Variants in TPGS1 observed in about 807,000 individuals in gnomAD.
TPGS1 encodes the protein gene trap ROSA b-geo 22.
In TPGS1, 18 loss-of-function variants were observed where a neutral mutation model predicts 11.9. The observed-to-expected ratio is 1.51, with a 90% CI of 1.04 to 2.24. The LOEUF is 2.24. Ranked by LOEUF, TPGS1 falls within the 30% of genes most tolerant of loss-of-function variation. The probability of loss-of-function intolerance (pLI) is 0.00; values close to 1 mark genes in which losing one functional copy is unlikely to be tolerated. For synonymous variants in TPGS1, 247 were observed against 218.2 expected, an observed-to-expected ratio of 1.13 and a Z score of -1.16; for missense variants, 500 against 443.0, an observed-to-expected ratio of 1.13 and a Z score of -1.16.
In TPGS1 at chr19:519,574, G is replaced by A; in HGVS notation, c.*151G>A. ...GGGGCTCCCAGGAAGCGGACGCCCG[G>A]TCCCCACACAGCGCCGCGGCCGCCC... On this transcript the variant is annotated 3_prime_UTR_variant, in exon 2 of 2. Transcript: ENST00000359315. 1.5e-6 allele frequency: 1 copy of A among 683,488 alleles called. No individual in the cohort carries two copies. The highest frequency in any genetic ancestry group is 2.0e-6 in the Non-Finnish European group (1 of 507,552). The allele number at this position is 683,488 out of a possible 1,614,324, so 42.3% of individuals were successfully genotyped here.
At chr19:514,132 GC>G in intron 1 of TPGS1, among the ~76,000 whole-genome samples, 1 of 143,228 alleles carries the variant, frequency 7.0e-6, no homozygotes, top group South Asian at 2.3e-4. Flanking sequence ...CTGTACACCA[GC>G]CCTGTATTAC....
rs1335853870 is a variant in TPGS1, at chr19:519,215, T to G, written c.665T>G (p.Leu222Arg). 7.0e-7 allele frequency: 1 copy of G among 1,419,170 alleles called. No individual in the cohort carries two copies. The highest frequency in any genetic ancestry group is 9.1e-7 in the Non-Finnish European group (1 of 1,094,186). The allele number at this position is 1,419,170 out of a possible 1,614,324, so 87.9% of individuals were successfully genotyped here. A position where few individuals can be genotyped will look rare whatever the true frequency, so the allele number is the denominator to read the frequency against. The change falls in exon 2 of 2, where the codon CTG (leucine) becomes CGG (arginine). Residue 222 changes from leucine (L) to arginine (R), a missense_variant. Leu to Arg is a moderately radical substitution (Grantham distance 102). Coordinates refer to ENST00000359315, the MANE Select transcript of TPGS1 (RefSeq NM_033513.3). ...VADRRVGQAV[L>R]DTLEGALQAS... is the part of the protein sequence containing the mutation. Reference sequence around the variant, plus strand: ...GACCGCCGCGTGGGCCAGGCCGTGCTGGACACCCTGGAGGGCGCGCTGCAG... The same window carrying G: ...GACCGCCGCGTGGGCCAGGCCGTGCGGGACACCCTGGAGGGCGCGCTGCAG...
Position 519,386 on chromosome 19 carries a change from C to T in TPGS1, c.836C>T (p.Ala279Val), listed in dbSNP as rs1979080909. Residue 279 changes from alanine (A) to valine (V), a missense_variant, in exon 2 of 2, where the codon GCC becomes GTC. Coordinates refer to ENST00000359315, the MANE Select transcript of TPGS1 (RefSeq NM_033513.3). ...MTREEFLERA[A>V]ALFIAKVKPV... ...CGCGAGGAGTTTCTGGAGAGGGCCG[C>T]CGCGCTCTTCATCGCGAAGGTCAAG... 2.4e-6 allele frequency: 3 copies of T among 1,226,774 alleles called. No homozygotes were observed. Among genetic ancestry groups the T allele is most frequent in the Non-Finnish European group, 3.1e-6 (3 of 983,596 alleles). 76.0% of individuals were successfully genotyped at this position (1,226,774 alleles called of 1,614,324 possible). A position where few individuals can be genotyped will look rare whatever the true frequency, so the allele number is the denominator to read the frequency against.
chr19:518,748 G>C (rs902246373), intron 1 of TPGS1, 141 bp from the exon 2 acceptor site: 2 of 904,466 alleles, frequency 2.2e-6, no homozygotes, highest in African/African-American at 3.7e-5. Context: ...GGGGAGGCCG[G>C]GGATGGGGGG....
intron 1 of TPGS1, chr19:510,515 C>T (rs891090420): frequency 6.6e-5 from 10 of 151,522 alleles, no homozygotes; most frequent in African/African-American, 2.2e-4. Context: ...CACCCCAGAT[C>T]CTCCCTGGCA....
chr19:519,556 C>T lies in TPGS1; in HGVS notation c.*133C>T. 1.1e-6 allele frequency: 1 copy of T among 892,096 alleles called. No individual in the cohort carries two copies. The highest frequency in any genetic ancestry group is 1.8e-5 in the African/African-American group (1 of 56,240). The allele number at this position is 892,096 out of a possible 1,614,324, so 55.3% of individuals were successfully genotyped here. ...AGCCCTGCGGAGGAGGCCGGGGCTC[C>T]CAGGAAGCGGACGCCCGGTCCCCAC... is the stretch of plus-strand genomic sequence containing the variant. On this transcript the variant is annotated 3_prime_UTR_variant, in exon 2 of 2. Coordinates refer to ENST00000359315, the MANE Select transcript of TPGS1 (RefSeq NM_033513.3).
At position 507,651 on chromosome 19, in the gene TPGS1, C is replaced by T. The variant is rs769086372; in HGVS notation, c.145C>T (p.Arg49Cys). 11 of 1,387,290 alleles carry T rather than the reference C, an allele frequency of 7.9e-6. No individual in the cohort carries two copies. In the East Asian group the frequency reaches 2.7e-4, roughly 34 times the overall value. 85.9% of individuals were successfully genotyped at this position (1,387,290 alleles called of 1,614,324 possible). ...LRQVGVTEML[R>C]AALLKVLEAR... Reference sequence around the variant, plus strand: ...GCAGGTCGGCGTGACGGAAATGCTACGTGCGGCCCTGCTGAAGGTGCTGGA... The same window carrying T: ...GCAGGTCGGCGTGACGGAAATGCTATGTGCGGCCCTGCTGAAGGTGCTGGA... Residue 49 changes from arginine (R) to cysteine (C), a missense_variant, in exon 1 of 2, where the codon CGT becomes TGT. Physicochemically the swap from Arg to Cys is radical, Grantham distance 180 (BLOSUM62 -3). Transcript: ENST00000359315.
chr19:518,159 GC>G, intron 1 of TPGS1, among the ~76,000 whole-genome samples: 1 of 96,824 alleles, frequency 1.0e-5, no homozygotes, highest in Non-Finnish European at 2.1e-5. Context: ...GAGGAGGGAG[GC>G]CCAGGCTGGG....
chr19:518,839 C>CT lies in TPGS1; in HGVS notation c.339-49dup, dbSNP rs745929986. On this transcript the variant is annotated intron_variant, in intron 1 of 1. Transcript: ENST00000359315. ...GCCTGGCGAGGAGGGGAGGCTGGGG[C>CT]TGGGTGGGCGCGCGGTCTCTGCCGG... 55 of 1,454,714 alleles carry CT rather than the reference C, an allele frequency of 3.8e-5. 1 individual carries two copies. In the South Asian group the frequency reaches 7.9e-4, roughly 21 times the overall value. 90.1% of individuals were successfully genotyped at this position (1,454,714 alleles called of 1,614,324 possible).
chr19:518,787 T>TG (rs1237487842), intron 1 of TPGS1, 102 bp from the exon 2 acceptor site: 20 of 1,108,688 alleles, frequency 1.8e-5, no homozygotes, highest in Non-Finnish European at 2.2e-5. Flanking sequence ...CAGGGCTGGC[T>TG]GGGGGGTCGG....
chr19:517,119 A>G (rs1978977162), intron 1 of TPGS1, among the ~76,000 whole-genome samples: 2 of 151,748 alleles, frequency 1.3e-5, no homozygotes, highest in Admixed American at 6.6e-5. Context: ...AGGTGCTCAC[A>G]CTGGTGGGAG....
At chr19:508,015 TC>T in intron 1 of TPGS1, 171 bp downstream of exon 1, 1 of 498,530 alleles carries the variant, frequency 2.0e-6, no homozygotes, top group Non-Finnish European at 3.2e-6. Context: ...GGCTGGAGGG[TC>T]CGGGCTTCGG....
At chr19:511,245 TTCC>T (rs1978785703) in intron 1 of TPGS1, among the ~76,000 whole-genome samples, 1 of 152,088 alleles carries the variant, frequency 6.6e-6, no homozygotes, top group Non-Finnish European at 1.5e-5. Flanking sequence ...TGCCTTCCTC[TTCC>T]TCCTCCTCCC....
Position 516,408 on chromosome 19 carries a change from G to A in TPGS1, c.339-2481G>A, listed in dbSNP as rs191262955. On this transcript the variant is annotated intron_variant, in intron 1 of 1. Transcript: ENST00000359315. Reference sequence around the variant, plus strand: ...TTTTTCTTTTTTTTTTTTTTGAGACGGAGTCTCGCTCTGTCGCCCAGGCTG... The same window carrying A: ...TTTTTCTTTTTTTTTTTTTTGAGACAGAGTCTCGCTCTGTCGCCCAGGCTG... 1.0e-3 allele frequency among the ~76,000 whole-genome samples: 148 copies of A among 147,236 alleles called. 1 individual carries two copies. The highest frequency in any genetic ancestry group is 3.3e-3 in the African/African-American group (130 of 39,284).
chr19:510,215 T>A (rs1459078887), intron 1 of TPGS1: 1 of 151,816 alleles, frequency 6.6e-6, no homozygotes, highest in Admixed American at 6.6e-5. Flanking sequence ...CTACTAAAAA[T>A]ACAAAAAATT....
chr19:513,002 C>CG (rs111507054), intron 1 of TPGS1, among the ~76,000 whole-genome samples: 8 of 152,334 alleles, frequency 5.3e-5, no homozygotes, highest in African/African-American at 1.7e-4. Flanking sequence ...AGTGTGGCCA[C>CG]GGCAACCTCC....
intron 1 of TPGS1, chr19:508,957 A>G (rs535904276): frequency 1.4e-4 from 21 of 152,552 alleles, no homozygotes; most frequent in African/African-American, 4.1e-4. Context: ...GGGAGCGGGC[A>G]AGGGCAGGCC....
At chr19:513,963 C>T (rs1252195450) in intron 1 of TPGS1, among the ~76,000 whole-genome samples, 1 of 150,466 alleles carries the variant, frequency 6.6e-6, no homozygotes, top group Non-Finnish European at 1.5e-5. Flanking sequence ...CACCAACCTG[C>T]CCCGGCCCCA....
Position 507,750 on chromosome 19 carries a change from G to A in TPGS1, c.244G>A (p.Gly82Ser), listed in dbSNP as rs1978664580. The A allele has an allele frequency of 2.9e-6, 4 of 1,397,722 alleles. No individual in the cohort carries two copies. The East Asian group carries it at 9.0e-5, about 31-fold the overall frequency. 86.6% of individuals were successfully genotyped at this position (1,397,722 alleles called of 1,614,324 possible). A position where few individuals can be genotyped will look rare whatever the true frequency, so the allele number is the denominator to read the frequency against. Residue 82 changes from glycine (G) to serine (S), a missense_variant, in exon 1 of 2, where the codon GGC becomes AGC. Coordinates refer to ENST00000359315, the MANE Select transcript of TPGS1 (RefSeq NM_033513.3). The stretch of plus-strand genomic sequence containing the variant: ...CATGGGCCTGCGCTCGCCTGTAAAC[G>A]GCGGCGCCGGGGAGCCCCCGGGCCA... The part of the protein sequence containing the change: ...ENMGLRSPVN[G>S]GAGEPPGQLL...
Sources: allele counts gnomAD v4.1 joint callset (sites outside exome capture counted in the v4.1 genomes callset), GRCh38; gene constraint gnomAD v4.1.1; transcripts MANE v1.5; gene names NCBI Gene and HGNC (gene_info 2026-07-23, HGNC 2026-07-21).